The following KDR variants were observed in gnomAD, a reference collection of about 807,000 sequenced individuals.
KDR encodes vascular endothelial growth factor receptor 2.
Under a neutral mutation model 160.9 loss-of-function variants are expected in KDR, and 43 were observed. That is an observed-to-expected ratio of 0.27 (90% confidence interval 0.21 to 0.34). KDR has a LOEUF of 0.34. Ranked by LOEUF, KDR falls within the 10% of genes least tolerant of loss-of-function variation. KDR has a pLI of 1.00. For synonymous variants in KDR, 617 were observed against 600.1 expected (o/e 1.03, Z -0.41); for missense variants, 1,469 against 1,666.4 (o/e 0.88, Z 2.06).
intron 21 of KDR, among the ~76,000 whole-genome samples, chr4:55,093,129 C>T (rs1720059834): frequency 6.6e-6 from 1 of 152,180 alleles, no homozygotes; most frequent in Admixed American, 6.5e-5. Flanking sequence ...CTCTTCTCTC[C>T]AGGTTTTGTC....
At position 55,108,531 on chromosome 4, in the gene KDR, C is replaced by T. The variant is rs184652333; in HGVS notation, c.1256-638G>A. On this transcript the variant is annotated intron_variant, in intron 9 of 29. Transcript: ENST00000263923. ...AAAAATGAAACAGAAAAAAATGACTCGCCCAAGGTCACTCAGTTAACGAAC... is the reference window on the plus strand; with the variant it reads ...AAAAATGAAACAGAAAAAAATGACTTGCCCAAGGTCACTCAGTTAACGAAC... 1.2e-4 allele frequency among the ~76,000 whole-genome samples: 18 copies of T among 152,286 alleles called. No homozygotes were observed. The East Asian group carries it at 3.1e-3, about 26-fold the overall frequency.
intron 9 of KDR, among the ~76,000 whole-genome samples, chr4:55,109,013 T>C (rs1057236549): frequency 6.6e-6 from 1 of 152,108 alleles, no homozygotes; most frequent in Admixed American, 6.6e-5. Flanking sequence ...CCATCCTACT[T>C]ATACACTTTC....
rs1008411083 is a variant in KDR, at chr4:55,079,359, C to T, written c.*582G>A. 11 of 245,018 alleles carry T rather than the reference C, an allele frequency of 4.5e-5. No individual in the cohort carries two copies. The highest frequency in any genetic ancestry group is 1.1e-4 in the East Asian group (2 of 17,408). The allele number at this position is 245,018 out of a possible 1,614,324, so 15.2% of individuals were successfully genotyped here. On this transcript the variant is annotated 3_prime_UTR_variant, in exon 30 of 30. Transcript: ENST00000263923. Reference sequence around the variant, plus strand: ...TGAACCCTTTACATTTCAGAACAGACCCCATGCCCACCTCCACCAGAGCAA... The same window carrying T: ...TGAACCCTTTACATTTCAGAACAGATCCCATGCCCACCTCCACCAGAGCAA...
chr4:55,087,575 T>A, intron 27 of KDR, 32 bp downstream of exon 27: 1 of 1,609,590 alleles, frequency 6.2e-7, no homozygotes, highest in Non-Finnish European at 8.5e-7. Context: ...GAAGTCACCC[T>A]CCCCCGGGGG....
chr4:55,110,035 G>A (rs1479726364), intron 9 of KDR, among the ~76,000 whole-genome samples: 1 of 152,170 alleles, frequency 6.6e-6, no homozygotes, highest in Non-Finnish European at 1.5e-5. Flanking sequence ...AATCTAAGGA[G>A]AAGGGTCTTA....
At position 55,113,434 on chromosome 4, in the gene KDR, C is replaced by G; in HGVS notation, c.846G>C (p.Gly282=). ...TGCTCAAAAATTTCTTCATCTCACT[C>G]CCAGACTGGGTTTTTAGGTCTCGGT... is the stretch of plus-strand genomic sequence containing the variant. ...LVNRDLKTQS[G]SEMKKFLSTL... is the part of the protein sequence containing the mutation. Residue 282 remains glycine (G), a synonymous_variant, in exon 7 of 30, where the codon GGG becomes GGC. Transcript: ENST00000263923. The G allele has an allele frequency of 6.2e-7, 1 of 1,613,948 alleles. No homozygotes were observed.
chr4:55,096,153 G>A, intron 19 of KDR, 76 bp downstream of exon 19: 2 of 809,516 alleles, frequency 2.5e-6, no homozygotes, highest in Middle Eastern at 3.0e-4. Context: ...GGCCAGAGGA[G>A]TTGACTGCTT....
Position 55,110,782 on chromosome 4 carries a change from A to AT in KDR, c.977-15_977-14insA, listed in dbSNP as rs760874031. ...CAAAAGGTTTTTCTGGAAGAAAATA[A>AT]AAAAAAAAAAAGGTCAACTTACTGT... On this transcript the variant is annotated splice_polypyrimidine_tract_variant and intron_variant, in intron 7 of 29. Coordinates refer to ENST00000263923, the MANE Select transcript of KDR (RefSeq NM_002253.4). The AT allele has an allele frequency of 9.2e-6, 14 of 1,517,432 alleles. No homozygotes were observed. The highest frequency in any genetic ancestry group is 2.8e-5 in the African/African-American group (2 of 71,738). The allele number at this position is 1,517,432 out of a possible 1,614,324, so 94.0% of individuals were successfully genotyped here. A position where few individuals can be genotyped will look rare whatever the true frequency, so the allele number is the denominator to read the frequency against.
At chr4:55,121,014 T>C in intron 2 of KDR, 83 bp downstream of exon 2, 2 of 932,334 alleles carry the variant, frequency 2.1e-6, no homozygotes, top group Non-Finnish European at 3.5e-6. Context: ...TCTATTATAA[T>C]TCTGCTCTAC....
chr4:55,089,612 A>C, intron 24 of KDR, 79 bp downstream of exon 24: 1 of 1,398,134 alleles, frequency 7.2e-7, no homozygotes, highest in South Asian at 1.2e-5. Context: ...CCTGATAGAC[A>C]TGAAGTACAG....
In KDR at chr4:55,114,117, T is replaced by C. The variant is rs770399417; in HGVS notation, c.798+9A>G. ...ATTTGGAGGTCTGGCTTTGAATCAT[T>C]AGCGTTACCTTCGAAGAAGGGTATT... On this transcript the variant is annotated intron_variant, in intron 6 of 29. Coordinates refer to ENST00000263923, the MANE Select transcript of KDR (RefSeq NM_002253.4). 3 of 1,613,922 alleles carry C rather than the reference T, an allele frequency of 1.9e-6. No individual in the cohort carries two copies. Among genetic ancestry groups the C allele is most frequent in the South Asian group, 2.2e-5 (2 of 91,072 alleles).
chr4:55,119,128 G>C (rs1365423725), intron 2 of KDR, among the ~76,000 whole-genome samples: 2 of 151,812 alleles, frequency 1.3e-5, no homozygotes, highest in East Asian at 3.9e-4. Flanking sequence ...AGAATTGCTT[G>C]AACCCGGGAG....
chr4:55,119,710 G>A (rs1720819315), intron 2 of KDR, among the ~76,000 whole-genome samples: 1 of 152,146 alleles, frequency 6.6e-6, no homozygotes, highest in Non-Finnish European at 1.5e-5. Context: ...GTGAGCAAAG[G>A]GGAGTAAGAA....
intron 27 of KDR, among the ~76,000 whole-genome samples, chr4:55,084,934 G>A (rs1450919270): frequency 1.3e-5 from 2 of 152,178 alleles, no homozygotes; most frequent in Non-Finnish European, 2.9e-5. Context: ...CAGTCTAATG[G>A]TAGAGCCAAA....
At chr4:55,116,063 C>T (rs1008369268) in intron 3 of KDR, among the ~76,000 whole-genome samples, 1 of 152,162 alleles carries the variant, frequency 6.6e-6, no homozygotes, top group Non-Finnish European at 1.5e-5. Flanking sequence ...ATTTAGCAGT[C>T]ATTGATATCT....
At chr4:55,107,507 C>G (rs1370478199) in intron 10 of KDR, among the ~76,000 whole-genome samples, 2 of 152,148 alleles carry the variant, frequency 1.3e-5, no homozygotes, top group African/African-American at 4.8e-5. Context: ...AAGTGTACCT[C>G]ACGGCTAACC....
chr4:55,096,386 T>C, intron 18 of KDR, 44 bp from the exon 19 acceptor site: 1 of 1,408,350 alleles, frequency 7.1e-7, no homozygotes, highest in Non-Finnish European at 1.0e-6. Flanking sequence ...TATGGACATT[T>C]CCTTCAATAA....
In KDR at chr4:55,095,449, C is replaced by G. The variant is rs1720126968; in HGVS notation, c.2817+128G>C. On this transcript the variant is annotated intron_variant, in intron 20 of 29. Transcript: ENST00000263923. ...AAGGTAAAAGAGGAAGTTACAACAG[C>G]CAAGAGGTAATATGAGAAGATTCCT... The G allele has an allele frequency of 6.9e-6, 5 of 721,096 alleles. No homozygotes were observed. In the East Asian group the frequency reaches 1.3e-4, roughly 19 times the overall value. The allele number at this position is 721,096 out of a possible 1,614,324, so 44.7% of individuals were successfully genotyped here.
intron 13 of KDR, 145 bp from the exon 14 acceptor site, chr4:55,102,653 G>A (rs62304711): frequency 0.015 from 11,940 of 819,142 alleles, 126 homozygotes; most frequent in Non-Finnish European, 0.018. Context: ...TGGTCACTGG[G>A]TAAAGTTAAA....
Sources: allele counts gnomAD v4.1 joint callset (sites outside exome capture counted in the v4.1 genomes callset), GRCh38; gene constraint gnomAD v4.1.1; transcripts MANE v1.5; gene names NCBI Gene and HGNC (gene_info 2026-07-23, HGNC 2026-07-21).